The following DNPH1 variants were observed in gnomAD, a reference collection of about 807,000 sequenced individuals.
The protein encoded by DNPH1 is 5-hydroxymethyl-dUMP N-hydrolase.
DNPH1 carries 18 observed loss-of-function variants against 15.7 expected under a neutral mutation model. That is an observed-to-expected ratio of 1.15 (90% CI 0.79 to 1.70). The LOEUF is 1.70. Ranked by LOEUF, DNPH1 falls within the 40% of genes most tolerant of loss-of-function variation. The probability of loss-of-function intolerance (pLI) is 0.00; values close to 1 mark genes in which losing one functional copy is unlikely to be tolerated. For missense variants in DNPH1, 262 were observed against 255.2 expected, an observed-to-expected ratio of 1.03 and a Z score of -0.18; for synonymous variants, 114 against 107.9, an observed-to-expected ratio of 1.06 and a Z score of -0.35.
At position 43,226,338 on chromosome 6, in the gene DNPH1, T is replaced by C. The variant is rs1007330417; in HGVS notation, c.254A>G (p.Gln85Arg). ...GGAGCGCCACTCACCGTCCGCCTGC[T>C]GCAGCCACTCCAGGTCCTGCTCATG... Reference protein sequence around the residue: ...LIHEQDLEWLQQADVVVAEVT... With the variant: ...LIHEQDLEWLRQADVVVAEVT... Residue 85 changes from glutamine to arginine, a missense_variant, in exon 2 of 4, where the codon CAG (glutamine) becomes CGG (arginine). Transcript: ENST00000230431. This position sits in a 1 kb window ranked among gnomAD's most constrained non-coding sequence, Gnocchi z 4.1. 1 of 1,612,846 alleles carries C rather than the reference T, an allele frequency of 6.2e-7. No homozygotes were observed. The highest frequency in any genetic ancestry group is 1.1e-5 in the South Asian group (1 of 91,054).
Position 43,225,823 on chromosome 6 carries a change from A to T in DNPH1, c.435T>A (p.Tyr145Ter). 1.2e-6 allele frequency: 2 copies of T among 1,614,178 alleles called. No homozygotes were observed. The highest frequency in any genetic ancestry group is 1.7e-6 in the Non-Finnish European group (2 of 1,180,038). Residue 145 changes from tyrosine (Y) to a stop codon, truncating the protein, a stop_gained, in exon 4 of 4, where the codon TAT (tyrosine) becomes TAA (stop). Coordinates refer to ENST00000230431, the MANE Select transcript of DNPH1 (RefSeq NM_006443.3). LOFTEE classifies it low-confidence loss of function (END_TRUNC). Reference protein sequence around the residue: ...ADGSRFQVWDYEEGEVEALLD... With the variant: ...ADGSRFQVWD ...GCAGGGCCTCCACCTCTCCCTCCTCATAGTCCCACACCTGGAACCGAGAGC... is the reference window on the plus strand; with the variant it reads ...GCAGGGCCTCCACCTCTCCCTCCTCTTAGTCCCACACCTGGAACCGAGAGC...
In DNPH1 at chr6:43,229,404, G is replaced by T. The variant is rs1203558752; in HGVS notation, c.53C>A (p.Pro18His). Residue 18 changes from proline to histidine, a missense_variant, in exon 1 of 4, where the codon CCT (proline) becomes CAT (histidine). Pro to His is a moderately conservative substitution (Grantham distance 77). Coordinates refer to ENST00000230431, the MANE Select transcript of DNPH1 (RefSeq NM_006443.3). ...GCAGAAGTACAGGGCCGGGCGGCCAGGCTCCCCGCGCTCCCAGCTCTCGCT... is the reference window on the plus strand; with the variant it reads ...GCAGAAGTACAGGGCCGGGCGGCCATGCTCCCCGCGCTCCCAGCTCTCGCT... ...GRSESWERGE[P>H]GRPALYFCGS... 1 of 1,432,122 alleles carries T rather than the reference G, an allele frequency of 7.0e-7. No individual in the cohort carries two copies. The highest frequency in any genetic ancestry group is 9.2e-7 in the Non-Finnish European group (1 of 1,089,526). The allele number at this position is 1,432,122 out of a possible 1,614,324, so 88.7% of individuals were successfully genotyped here. A position where few individuals can be genotyped will look rare whatever the true frequency, so the allele number is the denominator to read the frequency against.
intron 1 of DNPH1, among the ~76,000 whole-genome samples, chr6:43,228,323 C>T (rs1020776118): frequency 2.6e-5 from 4 of 151,818 alleles, no homozygotes; most frequent in Admixed American, 2.6e-4. Flanking sequence ...GGCATGGTGT[C>T]GTGCCCCTGC....
chr6:43,226,470 T>C lies in DNPH1; in HGVS notation c.197-75A>G. On this transcript the variant is annotated intron_variant, in intron 1 of 3. Transcript: ENST00000230431. The surrounding 1 kb of genome is among the most constrained non-coding windows in gnomAD (Gnocchi z 4.1). ...TAACTCCTATGCCCTTGTATGTCCATACCCACCCTGCTCAGGGAGGGTGGG... is the reference window on the plus strand; with the variant it reads ...TAACTCCTATGCCCTTGTATGTCCACACCCACCCTGCTCAGGGAGGGTGGG... 7.3e-7 allele frequency: 1 copy of C among 1,362,612 alleles called. No individual in the cohort carries two copies. Among genetic ancestry groups the C allele is most frequent in the Non-Finnish European group, 1.0e-6 (1 of 1,000,614 alleles). 84.4% of individuals were successfully genotyped at this position (1,362,612 alleles called of 1,614,324 possible). A position where few individuals can be genotyped will look rare whatever the true frequency, so the allele number is the denominator to read the frequency against.
chr6:43,225,926 T>C, intron 3 of DNPH1, 45 bp from the exon 4 acceptor site: 1 of 1,613,976 alleles, frequency 6.2e-7, no homozygotes, highest in Non-Finnish European at 8.5e-7. Flanking sequence ...ATCCACACCC[T>C]CACAGCTCCC....
chr6:43,229,064 C>T, intron 1 of DNPH1, 197 bp downstream of exon 1: 1 of 536,106 alleles, frequency 1.9e-6, no homozygotes, highest in Admixed American at 2.5e-5. Context: ...CGCAGGCTTG[C>T]TGGGACCCAC....
Position 43,226,309 on chromosome 6 carries a change from G to T in DNPH1, c.265+18C>A. The T allele has an allele frequency of 6.2e-7, 1 of 1,611,020 alleles. No homozygotes were observed. ...ACTCCAGAGGAGTTAGGTGCTGGAAGGAGGGAGCGCCACTCACCGTCCGCC... is the reference window on the plus strand; with the variant it reads ...ACTCCAGAGGAGTTAGGTGCTGGAATGAGGGAGCGCCACTCACCGTCCGCC... On this transcript the variant is annotated intron_variant, in intron 2 of 3. Transcript: ENST00000230431. The surrounding 1 kb of genome is among the most constrained non-coding windows in gnomAD (Gnocchi z 4.1).
rs568377968 is a variant in DNPH1, at chr6:43,227,420, A to G, written c.197-1025T>C. On this transcript the variant is annotated intron_variant, in intron 1 of 3. Coordinates refer to ENST00000230431, the MANE Select transcript of DNPH1 (RefSeq NM_006443.3). ...ACAGAGCAAGACTCTGTCTTGGGGG[A>G]AAAAAAAAAGTACATATTCGAAGGC... 4.6e-4 allele frequency among the ~76,000 whole-genome samples: 69 copies of G among 149,378 alleles called. No individual in the cohort carries two copies. In the East Asian group the frequency reaches 8.4e-3, roughly 18 times the overall value.
chr6:43,225,992 T>C (rs200392938), intron 3 of DNPH1, 41 bp downstream of exon 3: 21 of 1,613,288 alleles, frequency 1.3e-5, no homozygotes, highest in Non-Finnish European at 3.4e-6. Flanking sequence ...AGCTGAGGGC[T>C]GGGTCCATAG....
intron 1 of DNPH1, among the ~76,000 whole-genome samples, chr6:43,227,872 T>C (rs886838218): frequency 2.6e-5 from 4 of 151,894 alleles, no homozygotes; most frequent in African/African-American, 9.7e-5. Context: ...GGCAGATCAC[T>C]TGGGCTCAGG....
intron 1 of DNPH1, among the ~76,000 whole-genome samples, chr6:43,227,362 C>T (rs995176894): frequency 1.3e-5 from 2 of 151,818 alleles, no homozygotes; most frequent in African/African-American, 4.8e-5. Context: ...TTGCAATGAG[C>T]GGAGATCACT....
chr6:43,225,824 T>A lies in DNPH1; in HGVS notation c.434A>T (p.Tyr145Phe), dbSNP rs781373009. ...CAGGGCCTCCACCTCTCCCTCCTCA[T>A]AGTCCCACACCTGGAACCGAGAGCC... ...ADGSRFQVWD[Y>F]EEGEVEALLD... The change falls in exon 4 of 4, where the codon TAT becomes TTT. Residue 145 changes from tyrosine (Y) to phenylalanine (F), a missense_variant. Coordinates refer to ENST00000230431, the MANE Select transcript of DNPH1 (RefSeq NM_006443.3). 4 of 1,614,154 alleles carry A rather than the reference T, an allele frequency of 2.5e-6. No individual in the cohort carries two copies. Among genetic ancestry groups the A allele is most frequent in the Middle Eastern group, 3.3e-4 (2 of 6,062 alleles).
rs201350596 is a variant in DNPH1 at position 43,229,300 on chromosome 6, G to A, written c.157C>T (p.Leu53Phe). Residue 53 changes from leucine to phenylalanine, a missense_variant, in exon 1 of 4, where the codon CTC becomes TTC. Physicochemically the swap from Leu to Phe is conservative, Grantham distance 22. Coordinates refer to ENST00000230431, the MANE Select transcript of DNPH1 (RefSeq NM_006443.3). ...VSRLRRFGTV[L>F]TEHVAAAELG... ...TCGGCGGCCGCCACGTGCTCGGTGAGCACTGTCCCGAATCGCCGCAGCCGA... is the reference window on the plus strand; with the variant it reads ...TCGGCGGCCGCCACGTGCTCGGTGAACACTGTCCCGAATCGCCGCAGCCGA... The A allele has an allele frequency of 1.2e-5, 17 of 1,476,182 alleles. 1 individual carries two copies. The East Asian group carries it at 4.8e-4, about 42-fold the overall frequency. 91.4% of individuals were successfully genotyped at this position (1,476,182 alleles called of 1,614,324 possible). A position where few individuals can be genotyped will look rare whatever the true frequency, so the allele number is the denominator to read the frequency against.
At chr6:43,228,201 G>C (rs1393821967) in intron 1 of DNPH1, among the ~76,000 whole-genome samples, 1 of 152,050 alleles carries the variant, frequency 6.6e-6, no homozygotes, top group Non-Finnish European at 1.5e-5. Context: ...CACATCTATA[G>C]TCCCAGCACT....
chr6:43,229,388 C>T lies in DNPH1; in HGVS notation c.69G>A (p.Leu23=). 1 of 1,460,206 alleles carries T rather than the reference C, an allele frequency of 6.8e-7. No homozygotes were observed. The highest frequency in any genetic ancestry group is 9.0e-7 in the Non-Finnish European group (1 of 1,105,818). 90.5% of individuals were successfully genotyped at this position (1,460,206 alleles called of 1,614,324 possible). A position where few individuals can be genotyped will look rare whatever the true frequency, so the allele number is the denominator to read the frequency against. ...WERGEPGRPA[L]YFCGSIRGGR... is the part of the protein sequence containing the mutation. ...CGCCGCGAATGCTCCCGCAGAAGTA[C>T]AGGGCCGGGCGGCCAGGCTCCCCGC... The change falls in exon 1 of 4, where the codon CTG becomes CTA. Residue 23 remains leucine (L), a synonymous_variant. Coordinates refer to ENST00000230431, the MANE Select transcript of DNPH1 (RefSeq NM_006443.3).
intron 1 of DNPH1, among the ~76,000 whole-genome samples, chr6:43,228,189 C>T (rs1776771409): frequency 6.6e-6 from 1 of 152,160 alleles, no homozygotes; most frequent in African/African-American, 2.4e-5. Context: ...AGCATGGGGG[C>T]TCACATCTAT....
At position 43,226,561 on chromosome 6, in the gene DNPH1, C is replaced by G; in HGVS notation, c.197-166G>C. ...TCAAAGCAGCGAGGAAATGGAATAG[C>G]CACAAAAAGAAAAATTCAACCCTAT... On this transcript the variant is annotated intron_variant, in intron 1 of 3. Coordinates refer to ENST00000230431, the MANE Select transcript of DNPH1 (RefSeq NM_006443.3). This position sits in a 1 kb window ranked among gnomAD's most constrained non-coding sequence, Gnocchi z 4.1. 1.6e-6 allele frequency: 1 copy of G among 620,038 alleles called. No homozygotes were observed. Among genetic ancestry groups the G allele is most frequent in the Non-Finnish European group, 2.8e-6 (1 of 362,050 alleles). 38.4% of individuals were successfully genotyped at this position (620,038 alleles called of 1,614,324 possible).
At chr6:43,229,074 C>G (rs989262790) in intron 1 of DNPH1, 187 bp downstream of exon 1, 2 of 574,720 alleles carry the variant, frequency 3.5e-6, no homozygotes, top group Non-Finnish European at 6.1e-6. Context: ...CTGGGACCCA[C>G]GCAGCCCGAG....
At chr6:43,225,939 AC>A in intron 3 of DNPH1, 58 bp from the exon 4 acceptor site, 1 of 1,613,706 alleles carries the variant, frequency 6.2e-7, no homozygotes, top group African/African-American at 1.3e-5. Flanking sequence ...CAGCTCCCTT[AC>A]CCCTTGGGAG....
Sources: allele counts gnomAD v4.1 joint callset (sites outside exome capture counted in the v4.1 genomes callset), GRCh38; gene constraint gnomAD v4.1.1; non-coding constraint Gnocchi (gnomAD v3.1); transcripts MANE v1.5; gene names NCBI Gene and HGNC (gene_info 2026-07-23, HGNC 2026-07-21).